ERCC6L2: variants seen among roughly 807,000 people sequenced by gnomAD.
ERCC6L2 encodes the protein DNA excision repair protein ERCC-6-like 2.
ERCC6L2 carries 77 observed loss-of-function variants against 132.0 expected under a neutral mutation model. That is an observed-to-expected ratio of 0.58 (90% CI 0.49 to 0.71). ERCC6L2 has a LOEUF of 0.71. Ranked by LOEUF, ERCC6L2 falls within the 30% of genes least tolerant of loss-of-function variation. ERCC6L2 has a pLI of 0.00. For missense variants in ERCC6L2, 1,542 were observed against 1,837.6 expected (o/e 0.84, Z 2.94); for synonymous variants, 583 against 632.4 (o/e 0.92, Z 1.17).
chr9:95,893,464 A>G (rs1312740578), intron 2 of ERCC6L2, among the ~76,000 whole-genome samples: 4 of 152,208 alleles, frequency 2.6e-5, no homozygotes, highest in Non-Finnish European at 5.9e-5. Context: ...CGCTGAACTC[A>G]TAAAACGAGG....
chr9:95,960,533 A>G (rs934284829), intron 13 of ERCC6L2, among the ~76,000 whole-genome samples: 4 of 152,166 alleles, frequency 2.6e-5, no homozygotes, highest in South Asian at 2.1e-4. Context: ...GGAGAAGACA[A>G]TGTAACCACA....
chr9:95,928,632 T>G (rs757805150), intron 10 of ERCC6L2, 87 bp from the exon 11 acceptor site: 3 of 1,194,102 alleles, frequency 2.5e-6, no homozygotes, highest in Non-Finnish European at 3.4e-6. Context: ...CACCAATAAT[T>G]AATACTTAAC....
intron 17 of ERCC6L2, among the ~76,000 whole-genome samples, chr9:95,986,678 G>A (rs1833109222): frequency 6.6e-6 from 1 of 151,872 alleles, no homozygotes. Flanking sequence ...TGTATTTTTA[G>A]TAGAGACGGG....
chr9:95,876,068 G>A lies in ERCC6L2; in HGVS notation c.30G>A (p.Ala10=), dbSNP rs1019676408. ...ATCCGTCGGCGCCACAGCCCCGCGC[G>A]GAAACCTCAGGCAAAGGTACCAGCT... The part of the protein sequence containing the change: MDPSAPQPR[A]ETSGKDIWHP... The change falls in exon 1 of 19, where the codon GCG becomes GCA. Residue 10 remains alanine (A), a synonymous_variant. Transcript: ENST00000653738. 6.3e-7 allele frequency: 1 copy of A among 1,582,018 alleles called. No individual in the cohort carries two copies. Among genetic ancestry groups the A allele is most frequent in the African/African-American group, 1.3e-5 (1 of 74,196 alleles).
chr9:95,879,595 G>A (rs1428884447), intron 1 of ERCC6L2, among the ~76,000 whole-genome samples: 1 of 152,176 alleles, frequency 6.6e-6, no homozygotes, highest in African/African-American at 2.4e-5. Context: ...TTTTAGAATG[G>A]TGTAACAGTT....
At chr9:95,982,890 G>A (rs779704862) in intron 17 of ERCC6L2, among the ~76,000 whole-genome samples, 12 of 152,030 alleles carry the variant, frequency 7.9e-5, no homozygotes, top group Non-Finnish European at 1.6e-4. Context: ...TATAAACATA[G>A]AGACCTATTC....
At chr9:95,922,519 A>G (rs1489702596) in intron 8 of ERCC6L2, 101 bp downstream of exon 8, 1 of 701,074 alleles carries the variant, frequency 1.4e-6, no homozygotes, top group South Asian at 1.9e-5. Flanking sequence ...ATGAAATTTA[A>G]GAGGAAACTG....
chr9:95,875,914 G>C lies in ERCC6L2; in HGVS notation c.-125G>C. 2 of 1,035,798 alleles carry C rather than the reference G, an allele frequency of 1.9e-6. No homozygotes were observed. The highest frequency in any genetic ancestry group is 2.8e-4 in the Middle Eastern group (1 of 3,604). 64.2% of individuals were successfully genotyped at this position (1,035,798 alleles called of 1,614,324 possible). A position where few individuals can be genotyped will look rare whatever the true frequency, so the allele number is the denominator to read the frequency against. ...TCCTGTGGCTTCGGGTTGCCGAAGA[G>C]CGATGCTCGGAGGGCGGCCGGAAGT... On this transcript the variant is annotated 5_prime_UTR_variant, in exon 1 of 19. Transcript: ENST00000653738.
intron 16 of ERCC6L2, among the ~76,000 whole-genome samples, chr9:95,976,004 G>T (rs1468898680): frequency 6.6e-6 from 1 of 151,982 alleles, no homozygotes; most frequent in Non-Finnish European, 1.5e-5. Flanking sequence ...TCATTGAAGG[G>T]ATATTACTCT....
At chr9:95,977,493 T>G (rs1832719659) in intron 16 of ERCC6L2, among the ~76,000 whole-genome samples, 1 of 152,188 alleles carries the variant, frequency 6.6e-6, no homozygotes, top group South Asian at 2.1e-4. Context: ...TTGTAGCCAT[T>G]TTTTAAACCT....
chr9:96,029,941 G>A (rs1380778110), intron 19 of ERCC6L2, among the ~76,000 whole-genome samples: 1 of 152,222 alleles, frequency 6.6e-6, no homozygotes, highest in African/African-American at 2.4e-5. Context: ...CCAGAGCCCG[G>A]ACACCAGCCA....
chr9:95,909,546 A>G (rs1351287761), intron 4 of ERCC6L2, among the ~76,000 whole-genome samples: 2 of 152,198 alleles, frequency 1.3e-5, no homozygotes, highest in East Asian at 3.8e-4. Flanking sequence ...TGTCAATGGT[A>G]TTATACAGGA....
Position 95,989,458 on chromosome 9 carries a change from T to C in ERCC6L2, c.3492+11243T>C, listed in dbSNP as rs72758460. ...AGGAAGCTGGGACAAAGACCAAATA[T>C]CTATTTCACAATATCACAGTCATAT... On this transcript the variant is annotated intron_variant, in intron 17 of 18. Transcript: ENST00000653738. 8.3e-3 allele frequency among the ~76,000 whole-genome samples: 1,266 copies of C among 152,366 alleles called. 6 individuals carry two copies. Among genetic ancestry groups the C allele is most frequent in the Non-Finnish European group, 0.014 (929 of 68,042 alleles).
At chr9:95,953,872 G>C (rs977107548) in intron 12 of ERCC6L2, among the ~76,000 whole-genome samples, 1 of 152,022 alleles carries the variant, frequency 6.6e-6, no homozygotes, top group Non-Finnish European at 1.5e-5. Context: ...AAGCAGAAAG[G>C]CCATCTAACC....
chr9:95,964,059 G>T lies in ERCC6L2; in HGVS notation c.1948-2503G>T, dbSNP rs542205223. On this transcript the variant is annotated intron_variant, in intron 13 of 18. Transcript: ENST00000653738. Reference sequence around the variant, plus strand: ...TGCCAGTTCCTCATCAGACCTGCACGCATAACCCTTAGTGTTCATTCGTGA... The same window carrying T: ...TGCCAGTTCCTCATCAGACCTGCACTCATAACCCTTAGTGTTCATTCGTGA... Among the ~76,000 whole-genome samples, 88 of 152,224 alleles carry T rather than the reference G, an allele frequency of 5.8e-4. 1 individual carries two copies. Among genetic ancestry groups the T allele is most frequent in the East Asian group, 2.9e-3 (15 of 5,174 alleles).
chr9:95,889,306 A>G (rs1229111939), intron 2 of ERCC6L2, among the ~76,000 whole-genome samples: 5 of 152,212 alleles, frequency 3.3e-5, no homozygotes, highest in Admixed American at 2.0e-4. Context: ...TAATTTTCCT[A>G]TAATGAAACA....
chr9:95,916,684 CT>C (rs1360979308), intron 6 of ERCC6L2, among the ~76,000 whole-genome samples: 1,453 of 137,260 alleles, frequency 0.011, 11 homozygotes, highest in African/African-American at 0.029. Context: ...TCATCAAAAC[CT>C]TTTTTTTTTT....
intron 17 of ERCC6L2, among the ~76,000 whole-genome samples, chr9:95,984,368 T>A (rs1487705851): frequency 6.6e-6 from 1 of 151,202 alleles, no homozygotes; most frequent in Non-Finnish European, 1.5e-5. Context: ...TACATAGCTA[T>A]GTAGTTTTTA....
At chr9:95,950,058 A>G (rs1831258444) in intron 12 of ERCC6L2, among the ~76,000 whole-genome samples, 1 of 152,128 alleles carries the variant, frequency 6.6e-6, no homozygotes, top group Admixed American at 6.5e-5. Context: ...TCAAGATGAA[A>G]TGAAAGTACA....
Sources: allele counts gnomAD v4.1 joint callset (sites outside exome capture counted in the v4.1 genomes callset), GRCh38; gene constraint gnomAD v4.1.1; transcripts MANE v1.5; gene names NCBI Gene and HGNC (gene_info 2026-07-23, HGNC 2026-07-21).